Variants in CCDC85A observed in about 807,000 individuals in gnomAD.
CCDC85A encodes the protein coiled-coil domain-containing protein 85A.
A neutral mutation model predicts 50.2 loss-of-function variants in CCDC85A; 38 were observed. The ratio of observed to expected loss-of-function variants is 0.76; its 90% confidence interval spans 0.58 to 0.99. CCDC85A has a LOEUF of 0.99. CCDC85A is among the 50% of genes least tolerant of loss of function. The pLI, the probability that CCDC85A is intolerant of heterozygous loss-of-function variation, is 0.00. For synonymous variants in CCDC85A, 366 were observed against 301.4 expected (o/e 1.21, Z -2.22); for missense variants, 820 against 742.0 (o/e 1.11, Z -1.22).
chr2:56,320,976 C>A (rs1192257961), intron 2 of CCDC85A, among the ~76,000 whole-genome samples: 5 of 152,160 alleles, frequency 3.3e-5, no homozygotes, highest in Admixed American at 3.3e-4. Context: ...GGATGCAAGG[C>A]TGGTTCAACA....
At chr2:56,326,857 AG>A (rs1413288856) in intron 2 of CCDC85A, among the ~76,000 whole-genome samples, 3 of 151,642 alleles carry the variant, frequency 2.0e-5, no homozygotes, top group Admixed American at 2.0e-4. Flanking sequence ...TTTCTTAATC[AG>A]GTAATTTTTT....
intron 3 of CCDC85A, among the ~76,000 whole-genome samples, chr2:56,348,152 A>G (rs900610415): frequency 6.6e-6 from 1 of 152,212 alleles, no homozygotes; most frequent in Non-Finnish European, 1.5e-5. Flanking sequence ...TAAGTCAATT[A>G]AATACATTTG....
intron 3 of CCDC85A, among the ~76,000 whole-genome samples, chr2:56,371,453 C>T (rs1468053667): frequency 2.6e-5 from 4 of 152,028 alleles, no homozygotes; most frequent in African/African-American, 4.8e-5. Context: ...AAGTCAACCT[C>T]AACATTTAGA....
Position 56,304,531 on chromosome 2 carries a change from A to T in CCDC85A, c.1241-38348A>T, listed in dbSNP as rs985569741. Among the ~76,000 whole-genome samples, 9 of 152,188 alleles carry T rather than the reference A, an allele frequency of 5.9e-5. 1 individual carries two copies. In the East Asian group the frequency reaches 1.2e-3, roughly 20 times the overall value. ...ATCTGTGCTGGTGGCAGAATAGGAA[A>T]TTCTAATTGTGAGAAGAACTGTGGG... On this transcript the variant is annotated intron_variant, in intron 2 of 5. Transcript: ENST00000407595.
intron 2 of CCDC85A, among the ~76,000 whole-genome samples, chr2:56,280,242 C>A (rs1391604814): frequency 6.6e-6 from 1 of 152,200 alleles, no homozygotes; most frequent in Admixed American, 6.5e-5. Flanking sequence ...TGGGCAAAGG[C>A]CCTTCCTTCT....
chr2:56,369,317 T>G (rs1675960534), intron 3 of CCDC85A, among the ~76,000 whole-genome samples: 1 of 152,086 alleles, frequency 6.6e-6, no homozygotes, highest in Non-Finnish European at 1.5e-5. Flanking sequence ...TTTAAATAAA[T>G]AGATGAGAAC....
At chr2:56,185,426 G>T (rs1004576959) in intron 1 of CCDC85A, among the ~76,000 whole-genome samples, 27 of 152,136 alleles carry the variant, frequency 1.8e-4, no homozygotes, top group Non-Finnish European at 4.0e-4. Context: ...GCAGTCTTGT[G>T]TCACCGGGTA....
At chr2:56,378,985 G>C (rs76155612) in intron 5 of CCDC85A, among the ~76,000 whole-genome samples, 1 of 152,166 alleles carries the variant, frequency 6.6e-6, no homozygotes, top group Non-Finnish European at 1.5e-5. Flanking sequence ...TCCTTTTGTA[G>C]TATAAAAAGG....
chr2:56,205,708 G>A (rs1276440986), intron 2 of CCDC85A, among the ~76,000 whole-genome samples: 1 of 152,276 alleles, frequency 6.6e-6, no homozygotes, highest in Admixed American at 6.5e-5. Context: ...TGTTCCATGT[G>A]TGGATGAGAG....
chr2:56,248,287 C>T (rs1254775788), intron 2 of CCDC85A, among the ~76,000 whole-genome samples: 2 of 152,142 alleles, frequency 1.3e-5, no homozygotes, highest in Admixed American at 1.3e-4. Context: ...GGAACGGTCT[C>T]CCTTGGTTGG....
intron 5 of CCDC85A, among the ~76,000 whole-genome samples, chr2:56,377,069 T>C (rs1300427342): frequency 6.6e-6 from 1 of 152,220 alleles, no homozygotes; most frequent in Non-Finnish European, 1.5e-5. Context: ...TTATACAAAA[T>C]GAATTTGCTT....
At chr2:56,221,257 C>T (rs1668314698) in intron 2 of CCDC85A, among the ~76,000 whole-genome samples, 2 of 151,966 alleles carry the variant, frequency 1.3e-5, no homozygotes, top group South Asian at 4.1e-4. Context: ...GCATTTTGGT[C>T]TCATCATGAA....
chr2:56,350,036 G>A (rs1457435623), intron 3 of CCDC85A, among the ~76,000 whole-genome samples: 22 of 150,490 alleles, frequency 1.5e-4, no homozygotes, highest in African/African-American at 5.4e-4. Context: ...TATAAGAGAA[G>A]CTAATGTTGC....
At chr2:56,366,547 C>T (rs1453876005) in intron 3 of CCDC85A, among the ~76,000 whole-genome samples, 2 of 152,110 alleles carry the variant, frequency 1.3e-5, no homozygotes, top group Admixed American at 1.3e-4. Flanking sequence ...TGTATGTCTT[C>T]TTTTTAAGAA....
At chr2:56,219,103 T>G (rs1333774834) in intron 2 of CCDC85A, among the ~76,000 whole-genome samples, 1 of 150,606 alleles carries the variant, frequency 6.6e-6, no homozygotes, top group East Asian at 2.0e-4. Flanking sequence ...ATATACTATT[T>G]TTTGTCTTCA....
At chr2:56,228,410 A>G (rs911169502) in intron 2 of CCDC85A, among the ~76,000 whole-genome samples, 1 of 152,174 alleles carries the variant, frequency 6.6e-6, no homozygotes, top group African/African-American at 2.4e-5. Context: ...AGACAATACT[A>G]GTTGGCACAT....
intron 2 of CCDC85A, among the ~76,000 whole-genome samples, chr2:56,242,398 A>G (rs1472030880): frequency 6.6e-6 from 1 of 152,112 alleles, no homozygotes; most frequent in Non-Finnish European, 1.5e-5. Flanking sequence ...GAAGCTTACA[A>G]TCATGGCAGA....
At chr2:56,311,915 A>C (rs1328498908) in intron 2 of CCDC85A, among the ~76,000 whole-genome samples, 1 of 152,084 alleles carries the variant, frequency 6.6e-6, no homozygotes, top group Non-Finnish European at 1.5e-5. Context: ...AACCAGCATC[A>C]CATTTTAACA....
At chr2:56,292,742 A>G (rs895425042) in intron 2 of CCDC85A, among the ~76,000 whole-genome samples, 2 of 152,214 alleles carry the variant, frequency 1.3e-5, no homozygotes, top group East Asian at 1.9e-4. Context: ...CTCAGAGGCC[A>G]TGAAGACACT....
Sources: allele counts gnomAD v4.1 joint callset (sites outside exome capture counted in the v4.1 genomes callset), GRCh38; gene constraint gnomAD v4.1.1; transcripts MANE v1.5; gene names NCBI Gene and HGNC (gene_info 2026-07-23, HGNC 2026-07-21).